The following SNRPG variants were observed in gnomAD, a reference collection of about 807,000 sequenced individuals.
SNRPG encodes small nuclear ribonucleoprotein polypeptide G, also known as small nuclear ribonucleoprotein G.
A neutral mutation model predicts 13.9 loss-of-function variants in SNRPG; 3 were observed. That is an observed-to-expected ratio of 0.22 (90% confidence interval 0.10 to 0.56). The LOEUF is 0.56. SNRPG is among the 20% of genes least tolerant of loss of function. The pLI is 0.93. For missense variants in SNRPG, 34 were observed against 96.1 expected, an observed-to-expected ratio of 0.35 and a Z score of 2.70; for synonymous variants, 29 against 29.3, an observed-to-expected ratio of 0.99 and a Z score of 0.03.
At chr2:70,286,777 GA>G (rs1696953395) in intron 3 of SNRPG, among the ~76,000 whole-genome samples, 1 of 152,208 alleles carries the variant, frequency 6.6e-6, no homozygotes, top group African/African-American at 2.4e-5. Context: ...TCTCAAAGCA[GA>G]ATTGACAATT....
In SNRPG at chr2:70,293,644, G is replaced by A; in HGVS notation, c.6C>T (p.Ser2=). The change falls in exon 1 of 4, where the codon AGC becomes AGT. Residue 2 remains serine, a synonymous_variant. Coordinates refer to ENST00000272348, the MANE Select transcript of SNRPG (RefSeq NM_003096.4). M[S]KAHPPELKKF... is the part of the protein sequence containing the mutation. ...TTTTCAACTCGGGAGGGTGAGCTTT[G>A]CTCATGGTGTATACTCCGCGGGCTC... The A allele has an allele frequency of 1.2e-6, 2 of 1,614,134 alleles. No individual in the cohort carries two copies. Among genetic ancestry groups the A allele is most frequent in the East Asian group, 4.5e-5 (2 of 44,890 alleles).
chr2:70,289,318 TAAA>T, intron 2 of SNRPG, 29 bp downstream of exon 2: 1 of 1,313,692 alleles, frequency 7.6e-7, no homozygotes, highest in African/African-American at 1.5e-5. Context: ...ATTAAATAAT[TAAA>T]AAAAACCCCA....
chr2:70,292,732 C>A (rs1697131964), intron 1 of SNRPG: 1 of 176,430 alleles, frequency 5.7e-6, no homozygotes, highest in Admixed American at 5.8e-5. Context: ...ACAAAGCCAA[C>A]CACATGCTAC....
intron 1 of SNRPG, among the ~76,000 whole-genome samples, chr2:70,290,823 T>TGA (rs1559045715): frequency 3.6e-4 from 9 of 25,284 alleles, no homozygotes; most frequent in African/African-American, 1.5e-3. Flanking sequence ...CCGTCTCTAC[T>TGA]AAAAAAAAAA....
intron 3 of SNRPG, among the ~76,000 whole-genome samples, chr2:70,283,635 T>C (rs1171809836): frequency 6.6e-6 from 1 of 152,020 alleles, no homozygotes; most frequent in Non-Finnish European, 1.5e-5. Flanking sequence ...CTGGTAAATA[T>C]GAATAAAAGA....
chr2:70,284,710 T>A (rs1476270110), intron 3 of SNRPG, among the ~76,000 whole-genome samples: 1 of 149,630 alleles, frequency 6.7e-6, no homozygotes, highest in East Asian at 1.9e-4. Flanking sequence ...AATTCTCAAT[T>A]TTTTTTTTGG....
intron 3 of SNRPG, among the ~76,000 whole-genome samples, chr2:70,282,653 T>C (rs1199679800): frequency 6.6e-6 from 1 of 152,112 alleles, no homozygotes; most frequent in Non-Finnish European, 1.5e-5. Flanking sequence ...CTTGGGGGAA[T>C]GACAACCATA....
intron 1 of SNRPG, among the ~76,000 whole-genome samples, chr2:70,290,307 CTTTTA>C (rs1697051087): frequency 6.6e-6 from 1 of 151,950 alleles, no homozygotes; most frequent in Non-Finnish European, 1.5e-5. Flanking sequence ...AAGTAGTGTT[CTTTTA>C]TTTAATATTA....
intron 1 of SNRPG, 38 bp from the exon 2 acceptor site, chr2:70,289,410 A>G (rs1406128273): frequency 1.5e-5 from 17 of 1,161,586 alleles, no homozygotes; most frequent in Non-Finnish European, 2.1e-5. Flanking sequence ...ATAACCAATT[A>G]AAAAAATTTA....
At chr2:70,292,936 C>G (rs1697138857) in intron 1 of SNRPG, 1 of 569,470 alleles carries the variant, frequency 1.8e-6, no homozygotes, top group South Asian at 2.3e-5. Context: ...TAAGGCTCTC[C>G]TACTTAAAGT....
chr2:70,291,826 T>C (rs957331363), intron 1 of SNRPG, among the ~76,000 whole-genome samples: 6 of 150,260 alleles, frequency 4.0e-5, no homozygotes, highest in Non-Finnish European at 7.4e-5. Context: ...AATGGTCTTT[T>C]TGTTAAAAAA....
intron 1 of SNRPG, among the ~76,000 whole-genome samples, chr2:70,289,829 G>T (rs1403955072): frequency 6.6e-6 from 1 of 151,972 alleles, no homozygotes; most frequent in Non-Finnish European, 1.5e-5. Flanking sequence ...AAGAGTGGGG[G>T]CGTAAAGGGT....
chr2:70,293,200 C>T (rs1697147998), intron 1 of SNRPG: 1 of 702,424 alleles, frequency 1.4e-6, no homozygotes, highest in East Asian at 2.7e-5. Context: ...TGATGCCTCA[C>T]GTAGTTTTAA....
chr2:70,292,568 C>G (rs1697127801), intron 1 of SNRPG: 1 of 154,950 alleles, frequency 6.5e-6, no homozygotes, highest in Non-Finnish European at 1.5e-5. Flanking sequence ...AGGCTGGTCT[C>G]GAACTCCTGA....
At chr2:70,284,923 T>C (rs1456327783) in intron 3 of SNRPG, among the ~76,000 whole-genome samples, 1 of 152,220 alleles carries the variant, frequency 6.6e-6, no homozygotes, top group Non-Finnish European at 1.5e-5. Flanking sequence ...AGTTTTACAC[T>C]GCATGCTGTT....
chr2:70,291,986 T>C (rs1287136342), intron 1 of SNRPG, among the ~76,000 whole-genome samples: 26 of 151,556 alleles, frequency 1.7e-4, no homozygotes, highest in Admixed American at 4.6e-4. Context: ...CTCGCTCTGT[T>C]GCCCAGGCTG....
chr2:70,287,797 C>G, intron 3 of SNRPG: 1 of 485,290 alleles, frequency 2.1e-6, no homozygotes, highest in East Asian at 3.8e-5. Context: ...GAAGGACCAA[C>G]TATGAGCCTC....
At chr2:70,287,685 T>G (rs1418427933) in intron 3 of SNRPG, 2 of 412,588 alleles carry the variant, frequency 4.8e-6, no homozygotes, top group African/African-American at 2.0e-5. Context: ...TGCAAAACCT[T>G]AGTTAAGTTC....
At chr2:70,284,723 A>G (rs974690672) in intron 3 of SNRPG, among the ~76,000 whole-genome samples, 1 of 152,080 alleles carries the variant, frequency 6.6e-6, no homozygotes, top group Admixed American at 6.5e-5. Flanking sequence ...TTTTTTGGCA[A>G]CAGATATTGA....
Sources: gnomAD v4.1 joint callset for allele counts (sites outside exome capture counted in the v4.1 genomes callset) on GRCh38, gnomAD v4.1.1 for gene constraint, MANE v1.5 for transcripts, NCBI Gene and HGNC (gene_info 2026-07-23, HGNC 2026-07-21) for gene names.